The following SAG variants were observed in gnomAD, a reference collection of about 807,000 sequenced individuals.
SAG encodes the protein S-arrestin.
Under a neutral mutation model 55.0 loss-of-function variants are expected in SAG, and 45 were observed. The observed-to-expected ratio is 0.82, with a 90% CI of 0.64 to 1.05. The LOEUF (loss-of-function observed/expected upper bound fraction) is 1.05. Ranked by LOEUF, SAG falls within the 50% of genes least tolerant of loss-of-function variation. The pLI is 0.00. For synonymous variants in SAG, 189 were observed against 197.4 expected (o/e 0.96, Z 0.36); for missense variants, 455 against 512.1 (o/e 0.89, Z 1.08).
chr2:233,343,744 A>T (rs1701173518), intron 14 of SAG: 1 of 1,150,722 alleles, frequency 8.7e-7, no homozygotes, highest in African/African-American at 1.6e-5. Flanking sequence ...CTAAATGAGA[A>T]CTCTCCGTAG....
At chr2:233,330,769 T>G (rs1334644076) in intron 9 of SAG, among the ~76,000 whole-genome samples, 5 of 152,072 alleles carry the variant, frequency 3.3e-5, no homozygotes, top group Admixed American at 1.3e-4. Flanking sequence ...TGACCTCAGG[T>G]GATCCATCCG....
At position 233,319,851 on chromosome 2, in the gene SAG, C is replaced by T. The variant is rs1700326487; in HGVS notation, c.182-779C>T. The T allele has an allele frequency of 1.4e-5, 14 of 985,656 alleles. No individual in the cohort carries two copies. The South Asian group carries it at 4.7e-4, about 33-fold the overall frequency. The allele number at this position is 985,656 out of a possible 1,614,324, so 61.1% of individuals were successfully genotyped here. ...GCCACTGTTTCTTCTGAGTCAGCAG[C>T]GAAGGGCAGTTACCTTTGGGGCTTG... On this transcript the variant is annotated intron_variant, in intron 4 of 15. Transcript: ENST00000409110. The surrounding 1 kb of genome is among the most constrained non-coding windows in gnomAD (Gnocchi z 4.4).
chr2:233,319,949 A>G lies in SAG; in HGVS notation c.182-681A>G, dbSNP rs1423565216. 8.1e-6 allele frequency: 8 copies of G among 985,544 alleles called. No homozygotes were observed. The highest frequency in any genetic ancestry group is 9.6e-6 in the Non-Finnish European group (8 of 829,960). The allele number at this position is 985,544 out of a possible 1,614,324, so 61.0% of individuals were successfully genotyped here. ...CTCTCGTGCTTTATATTTGAGAAAT[A>G]TGTGCTTCGTGTCTTTTTTAGAAGG... On this transcript the variant is annotated intron_variant, in intron 4 of 15. Coordinates refer to ENST00000409110, the MANE Select transcript of SAG (RefSeq NM_000541.5). The surrounding 1 kb of genome is among the most constrained non-coding windows in gnomAD (Gnocchi z 4.4).
chr2:233,312,345 G>A (rs990103165), intron 2 of SAG, among the ~76,000 whole-genome samples: 3 of 152,074 alleles, frequency 2.0e-5, no homozygotes, highest in African/African-American at 7.2e-5. Flanking sequence ...TCCCCTTGCC[G>A]ATCCATTCTC....
At chr2:233,328,754 G>T in intron 8 of SAG, 141 bp downstream of exon 8, 2 of 863,884 alleles carry the variant, frequency 2.3e-6, no homozygotes, top group Non-Finnish European at 3.4e-6. Context: ...ACCAACATGC[G>T]TAAGTGACTG....
intron 5 of SAG, among the ~76,000 whole-genome samples, chr2:233,321,366 T>A (rs1446884541): frequency 6.6e-6 from 1 of 152,214 alleles, no homozygotes; most frequent in Non-Finnish European, 1.5e-5. Context: ...CCATCTGCTT[T>A]ACGAGCATGT....
intron 7 of SAG, chr2:233,328,007 C>G (rs530491775): frequency 6.5e-5 from 10 of 153,740 alleles, no homozygotes; most frequent in South Asian, 2.1e-4. Context: ...TCTCCCACCC[C>G]CTGTGCTGTT....
chr2:233,334,300 G>C (rs552413403), intron 10 of SAG: 2 of 152,258 alleles, frequency 1.3e-5, no homozygotes, highest in Non-Finnish European at 2.9e-5. Flanking sequence ...CCATGCTGCC[G>C]TGTGTCTGCC....
intron 3 of SAG, among the ~76,000 whole-genome samples, chr2:233,317,218 G>A (rs548887553): frequency 2.1e-4 from 32 of 152,278 alleles, no homozygotes; most frequent in Middle Eastern, 3.4e-3. Context: ...GTTGCATCCC[G>A]GGCACTTATC....
chr2:233,332,064 G>A (rs1048746142), intron 10 of SAG: 1 of 289,522 alleles, frequency 3.5e-6, no homozygotes, highest in Non-Finnish European at 6.6e-6. Flanking sequence ...CCAGAAGATG[G>A]TCAAATGAAC....
At chr2:233,346,534 C>A in intron 15 of SAG, 122 bp downstream of exon 15, 1 of 1,069,758 alleles carries the variant, frequency 9.3e-7, no homozygotes, top group Non-Finnish European at 1.5e-6. Flanking sequence ...TCAGGAGGCA[C>A]ATCCGCTACT....
intron 6 of SAG, among the ~76,000 whole-genome samples, chr2:233,324,783 G>GT (rs1400013519): frequency 6.6e-6 from 1 of 152,184 alleles, no homozygotes; most frequent in Non-Finnish European, 1.5e-5. Flanking sequence ...CAGAGAGGCA[G>GT]TTTCTGTAAC....
At chr2:233,323,107 G>A in intron 6 of SAG, 102 bp downstream of exon 6, 1 of 754,316 alleles carries the variant, frequency 1.3e-6, no homozygotes, top group Non-Finnish European at 2.3e-6. Flanking sequence ...CACCAATGCT[G>A]GGGTGCAGTG....
intron 10 of SAG, 37 bp from the exon 11 acceptor site, chr2:233,334,925 T>C: frequency 6.2e-7 from 1 of 1,610,654 alleles, no homozygotes; most frequent in Non-Finnish European, 8.5e-7. Context: ...ATGGCAGCTT[T>C]GATGGTTATA....
At chr2:233,325,197 C>A (rs1386251614) in intron 6 of SAG, among the ~76,000 whole-genome samples, 1 of 130,604 alleles carries the variant, frequency 7.7e-6, no homozygotes, top group African/African-American at 2.8e-5. Context: ...GAGCAAGGCT[C>A]CATCTCAAAA....
intron 12 of SAG, among the ~76,000 whole-genome samples, chr2:233,339,463 GC>G (rs1369650865): frequency 2.0e-5 from 3 of 151,750 alleles, no homozygotes; most frequent in African/African-American, 7.3e-5. Flanking sequence ...AGGAAAATAA[GC>G]GTTTAAAAAG....
At chr2:233,312,179 A>G (rs1485281972) in intron 2 of SAG, among the ~76,000 whole-genome samples, 1 of 152,130 alleles carries the variant, frequency 6.6e-6, no homozygotes, top group African/African-American at 2.4e-5. Flanking sequence ...ACAACCACCA[A>G]CTACCCTCGA....
intron 10 of SAG, chr2:233,334,611 A>G: frequency 4.9e-6 from 1 of 202,662 alleles, no homozygotes; most frequent in South Asian, 1.0e-4. Flanking sequence ...GACACCAACC[A>G]GAAGGTTCTG....
chr2:233,327,463 T>TGTTG, intron 7 of SAG: 1 of 353,318 alleles, frequency 2.8e-6, no homozygotes, highest in Non-Finnish European at 5.2e-6. Context: ...GTTTTGTTGT[T>TGTTG]GTTGTTTGTT....
Sources: allele counts gnomAD v4.1 joint callset (sites outside exome capture counted in the v4.1 genomes callset), GRCh38; gene constraint gnomAD v4.1.1; non-coding constraint Gnocchi (gnomAD v3.1); transcripts MANE v1.5; gene names NCBI Gene and HGNC (gene_info 2026-07-23, HGNC 2026-07-21).